CD48: variants seen among roughly 807,000 people sequenced by gnomAD.
CD48 encodes the protein CD48 antigen.
Under a neutral mutation model 22.0 loss-of-function variants are expected in CD48, and 20 were observed. The observed-to-expected ratio is 0.91, with a 90% CI of 0.64 to 1.32. The LOEUF (loss-of-function observed/expected upper bound fraction) is 1.32, where lower values mean the gene tolerates loss of function less well. CD48 is among the 40% of genes most tolerant of loss of function. The probability of loss-of-function intolerance (pLI) is 0.00; values close to 1 mark genes in which losing one functional copy is unlikely to be tolerated. For missense variants in CD48, 307 were observed against 286.5 expected (o/e 1.07, Z -0.52); for synonymous variants, 110 against 110.1 (o/e 1.00, Z 0.01).
intron 2 of CD48, among the ~76,000 whole-genome samples, chr1:160,682,183 C>T (rs2102403648): frequency 6.6e-6 from 1 of 151,970 alleles, no homozygotes; most frequent in South Asian, 2.1e-4. Flanking sequence ...TGCAGCGGCT[C>T]ACACCTGTAA....
At chr1:160,693,281 A>G (rs946473053) in intron 1 of CD48, among the ~76,000 whole-genome samples, 11 of 152,288 alleles carry the variant, frequency 7.2e-5, no homozygotes, top group Non-Finnish European at 1.3e-4. Flanking sequence ...TCAAAAGTCA[A>G]TTGCCAGTGA....
intron 1 of CD48, among the ~76,000 whole-genome samples, chr1:160,687,093 ACCTCC>A (rs1662032570): frequency 6.6e-6 from 1 of 152,032 alleles, no homozygotes; most frequent in African/African-American, 2.4e-5. Context: ...ATAAGCCTAT[ACCTCC>A]AGGCGCGTAT....
At chr1:160,680,309 G>A (rs1422685474) in intron 3 of CD48, 1 of 152,292 alleles carries the variant, frequency 6.6e-6, no homozygotes, top group South Asian at 2.1e-4. Flanking sequence ...AGTTTATTAA[G>A]GGTCCCCAAA....
intron 3 of CD48, chr1:160,680,978 G>A (rs1195980533): frequency 4.3e-5 from 61 of 1,425,482 alleles, no homozygotes; most frequent in African/African-American, 7.9e-5. Flanking sequence ...TCTCCCAAAC[G>A]TCCTTTGCAG....
chr1:160,691,507 C>T (rs886896044), intron 1 of CD48, among the ~76,000 whole-genome samples: 2 of 152,170 alleles, frequency 1.3e-5, no homozygotes, highest in Admixed American at 1.3e-4. Flanking sequence ...TGTTTGTCTG[C>T]TCACCCTCTC....
At chr1:160,693,893 A>C (rs1662315850) in intron 1 of CD48, among the ~76,000 whole-genome samples, 1 of 152,292 alleles carries the variant, frequency 6.6e-6, no homozygotes, top group African/African-American at 2.4e-5. Flanking sequence ...TACCTCAGGG[A>C]ATAAGCCAGT....
rs180687653 is a variant in CD48 at position 160,680,607 on chromosome 1, T to C, written c.652+595A>G. On this transcript the variant is annotated intron_variant, in intron 3 of 3. Transcript: ENST00000368046. ...GATCTAGAGCCAGGTGTGACACTCA[T>C]GAGTGGATCCTCCCAGGAGACAGGG... The C allele has an allele frequency of 1.2e-3, 1,221 of 1,004,076 alleles. 15 individuals carry two copies. The African/African-American group carries it at 0.02, about 16-fold the overall frequency. 62.2% of individuals were successfully genotyped at this position (1,004,076 alleles called of 1,614,324 possible).
At chr1:160,706,296 A>T (rs1002340733) in intron 1 of CD48, among the ~76,000 whole-genome samples, 9 of 152,040 alleles carry the variant, frequency 5.9e-5, no homozygotes, top group Non-Finnish European at 1.0e-4. Context: ...CTAGTCTCAA[A>T]CTCCTGACCT....
Position 160,684,917 on chromosome 1 carries a change from G to A in CD48, c.355C>T (p.Gln119Ter), listed in dbSNP as rs761337305. ...ACTTGCAGCTTGATCTTCCATTCTT[G>A]CTCATTCCCAGTCTTTTTCAACACC... is the stretch of plus-strand genomic sequence containing the variant. The part of the protein sequence containing the change: ...MRVLKKTGNE[Q>*]EWKIKLQVLD... Residue 119 changes from glutamine (Q) to a stop codon, truncating the protein, a stop_gained, in exon 2 of 4, where the codon CAA becomes TAA. Transcript: ENST00000368046. LOFTEE classifies it high-confidence loss of function. 3 of 1,614,042 alleles carry A rather than the reference G, an allele frequency of 1.9e-6. No individual in the cohort carries two copies. The highest frequency in any genetic ancestry group is 2.2e-5 in the South Asian group (2 of 91,080).
chr1:160,690,640 G>A (rs1030692949), intron 1 of CD48, among the ~76,000 whole-genome samples: 1 of 152,190 alleles, frequency 6.6e-6, no homozygotes, highest in Non-Finnish European at 1.5e-5. Flanking sequence ...GACCTAATAT[G>A]TGTAATATAG....
chr1:160,701,508 A>G (rs1046197950), intron 1 of CD48, among the ~76,000 whole-genome samples: 2 of 152,032 alleles, frequency 1.3e-5, no homozygotes, highest in African/African-American at 4.8e-5. Flanking sequence ...GCTGCCACTA[A>G]AAAGAATAAC....
At chr1:160,705,068 AT>A (rs1372807125) in intron 1 of CD48, among the ~76,000 whole-genome samples, 1 of 152,240 alleles carries the variant, frequency 6.6e-6, no homozygotes, top group Non-Finnish European at 1.5e-5. Flanking sequence ...ACTCTTCAAC[AT>A]GATATATACT....
Position 160,694,753 on chromosome 1 carries a change from T to G in CD48, c.83-9564A>C, listed in dbSNP as rs151135054. On this transcript the variant is annotated intron_variant, in intron 1 of 3. Coordinates refer to ENST00000368046, the MANE Select transcript of CD48 (RefSeq NM_001778.4). ...ACGGAAGAGAAGGAACAGGGTATCCTTTTTAGGGGTGACCACTGTAGAGCC... is the reference window on the plus strand; with the variant it reads ...ACGGAAGAGAAGGAACAGGGTATCCGTTTTAGGGGTGACCACTGTAGAGCC... Among the ~76,000 whole-genome samples the G allele has an allele frequency of 3.1e-3, 476 of 152,266 alleles. 6 individuals carry two copies. Among genetic ancestry groups the G allele is most frequent in the African/African-American group, 0.011 (446 of 41,542 alleles).
intron 1 of CD48, among the ~76,000 whole-genome samples, chr1:160,700,482 TCACTC>T (rs892501486): frequency 5.7e-4 from 86 of 152,154 alleles, no homozygotes; most frequent in Non-Finnish European, 2.6e-4. Context: ...GAAGAAAACA[TCACTC>T]CACTAAATCA....
intron 1 of CD48, among the ~76,000 whole-genome samples, chr1:160,689,273 C>T (rs139440682): frequency 0.025 from 3,793 of 151,428 alleles, 75 homozygotes; most frequent in Middle Eastern, 0.038. Context: ...AGCAGGGCAA[C>T]GGTCATCTGT....
intron 1 of CD48, 117 bp from the exon 2 acceptor site, chr1:160,685,306 A>G (rs1051826268): frequency 2.7e-6 from 2 of 742,902 alleles, no homozygotes; most frequent in Non-Finnish European, 4.4e-6. Flanking sequence ...GCTTAGGAGC[A>G]GTGAGTATGG....
Position 160,684,920 on chromosome 1 carries a change from C to T in CD48, c.352G>A (p.Glu118Lys). 2 of 1,614,156 alleles carry T rather than the reference C, an allele frequency of 1.2e-6. No homozygotes were observed. Among genetic ancestry groups the T allele is most frequent in the Middle Eastern group, 1.6e-4 (1 of 6,062 alleles). ...TGCAGCTTGATCTTCCATTCTTGCTCATTCCCAGTCTTTTTCAACACCCTC... is the reference window on the plus strand; with the variant it reads ...TGCAGCTTGATCTTCCATTCTTGCTTATTCCCAGTCTTTTTCAACACCCTC... ...IMRVLKKTGN[E>K]QEWKIKLQVL... is the part of the protein sequence containing the mutation. Residue 118 changes from glutamate to lysine, a missense_variant, in exon 2 of 4, where the codon GAG becomes AAG. Glu to Lys is a moderately conservative substitution (Grantham distance 56). Transcript: ENST00000368046.
chr1:160,695,026 C>T (rs946082028), intron 1 of CD48, among the ~76,000 whole-genome samples: 3 of 152,196 alleles, frequency 2.0e-5, no homozygotes, highest in African/African-American at 7.2e-5. Flanking sequence ...GGGGCCTCTC[C>T]AACCTGGGTT....
intron 1 of CD48, 124 bp from the exon 2 acceptor site, chr1:160,685,313 A>G: frequency 1.4e-6 from 1 of 715,526 alleles, no homozygotes; most frequent in Non-Finnish European, 2.3e-6. Context: ...AGCAGTGAGT[A>G]TGGTTTTCAC....
Sources: gnomAD v4.1 joint callset for allele counts (sites outside exome capture counted in the v4.1 genomes callset) on GRCh38, gnomAD v4.1.1 for gene constraint, MANE v1.5 for transcripts, NCBI Gene and HGNC (gene_info 2026-07-23, HGNC 2026-07-21) for gene names.